Variants in CNOT4 observed in about 807,000 individuals in gnomAD.
The protein encoded by CNOT4 is CCR4-NOT transcription complex subunit 4.
A neutral mutation model predicts 73.8 loss-of-function variants in CNOT4; 8 were observed. The ratio of observed to expected loss-of-function variants is 0.11; its 90% CI spans 0.06 to 0.20. The LOEUF is 0.20. Ranked by LOEUF, CNOT4 falls within the 10% of genes least tolerant of loss-of-function variation. The pLI is 1.00. For missense variants in CNOT4, 564 were observed against 883.4 expected (o/e 0.64, Z 4.58); for synonymous variants, 293 against 321.1 (o/e 0.91, Z 0.94).
chr7:135,407,166 C>T (rs539912121), intron 7 of CNOT4, among the ~76,000 whole-genome samples: 3 of 152,168 alleles, frequency 2.0e-5, no homozygotes, highest in African/African-American at 4.8e-5. Flanking sequence ...GCCTGCCTCC[C>T]GCTTTGCCCA....
At chr7:135,458,105 T>C (rs1351727893) in intron 1 of CNOT4, among the ~76,000 whole-genome samples, 1 of 152,102 alleles carries the variant, frequency 6.6e-6, no homozygotes, top group Non-Finnish European at 1.5e-5. Context: ...TTATTTCACC[T>C]ACACAGGCAT....
chr7:135,476,082 A>T (rs1801975089), intron 1 of CNOT4, among the ~76,000 whole-genome samples: 3 of 152,234 alleles, frequency 2.0e-5, no homozygotes, highest in African/African-American at 4.8e-5. Context: ...TCCTTGGAGG[A>T]TCAGTCTACT....
intron 1 of CNOT4, among the ~76,000 whole-genome samples, chr7:135,449,931 G>C (rs562277077): frequency 1.3e-4 from 20 of 151,932 alleles, no homozygotes; most frequent in African/African-American, 4.8e-4. Context: ...GAGGTAAAGA[G>C]ACCCCTCTTT....
At chr7:135,413,288 T>C (rs758107747) in intron 6 of CNOT4, among the ~76,000 whole-genome samples, 200 bp downstream of exon 6, 10 of 152,034 alleles carry the variant, frequency 6.6e-5, no homozygotes, top group African/African-American at 1.4e-4. Context: ...TCAAACTTAG[T>C]TGACCACAGA....
At chr7:135,459,986 T>C (rs1374683360) in intron 1 of CNOT4, among the ~76,000 whole-genome samples, 2 of 152,234 alleles carry the variant, frequency 1.3e-5, no homozygotes, top group East Asian at 3.8e-4. Context: ...GGAAATGGCT[T>C]CCTTCCTTAA....
intron 10 of CNOT4, among the ~76,000 whole-genome samples, chr7:135,367,238 T>C (rs868077908): frequency 6.6e-6 from 1 of 152,158 alleles, no homozygotes; most frequent in South Asian, 2.1e-4. Context: ...AGGGCTCTTA[T>C]ATGATCTCGC....
chr7:135,491,558 A>G (rs536200396), intron 1 of CNOT4, among the ~76,000 whole-genome samples: 1 of 152,346 alleles, frequency 6.6e-6, no homozygotes, highest in African/African-American at 2.4e-5. Context: ...TTGTTGGAAG[A>G]CATTAACAAA....
chr7:135,464,130 C>A (rs1801076360), intron 1 of CNOT4, among the ~76,000 whole-genome samples: 1 of 151,786 alleles, frequency 6.6e-6, no homozygotes, highest in African/African-American at 2.4e-5. Context: ...AGCAGTATGG[C>A]AATTCCTCAG....
chr7:135,391,338 C>G lies in CNOT4; in HGVS notation c.1627+2580G>C, dbSNP rs995625480. Reference sequence around the variant, plus strand: ...TGATAAAAATTTTTAAATTTTGGTACATTAAAACTAAAATTTCTCTAGTCA... The same window carrying G: ...TGATAAAAATTTTTAAATTTTGGTAGATTAAAACTAAAATTTCTCTAGTCA... On this transcript the variant is annotated intron_variant, in intron 10 of 11. Transcript: ENST00000541284. Among the ~76,000 whole-genome samples, 92 of 151,920 alleles carry G rather than the reference C, an allele frequency of 6.1e-4. 4 individuals carry two copies. The highest frequency in any genetic ancestry group is 1.3e-4 in the Non-Finnish European group (9 of 67,920).
At chr7:135,375,814 A>C (rs1208933552) in intron 10 of CNOT4, among the ~76,000 whole-genome samples, 1 of 152,158 alleles carries the variant, frequency 6.6e-6, no homozygotes, top group African/African-American at 2.4e-5. Context: ...AATTCCAGCT[A>C]GTCAGGAGGC....
chr7:135,411,654 A>G (rs1168595236), intron 6 of CNOT4, among the ~76,000 whole-genome samples: 1 of 152,038 alleles, frequency 6.6e-6, no homozygotes, highest in African/African-American at 2.4e-5. Context: ...ATGTATATCT[A>G]GACTGGAAGA....
chr7:135,396,196 C>T (rs1295134627), intron 8 of CNOT4, among the ~76,000 whole-genome samples: 1 of 144,358 alleles, frequency 6.9e-6, no homozygotes, highest in African/African-American at 2.6e-5. Flanking sequence ...CGGCTCACTG[C>T]AACCTCGGCC....
At chr7:135,420,704 C>A (rs1163098313) in intron 3 of CNOT4, among the ~76,000 whole-genome samples, 1 of 151,296 alleles carries the variant, frequency 6.6e-6, no homozygotes, top group Admixed American at 6.6e-5. Context: ...AGGTAGCTCA[C>A]ACCTTTTTAA....
chr7:135,431,246 G>A (rs1022816367), intron 2 of CNOT4, among the ~76,000 whole-genome samples: 6 of 152,234 alleles, frequency 3.9e-5, no homozygotes, highest in Non-Finnish European at 8.8e-5. Flanking sequence ...TAGCCTGGGC[G>A]AAAGAGCAAG....
chr7:135,483,827 A>C (rs1036911672), intron 1 of CNOT4, among the ~76,000 whole-genome samples: 1 of 152,190 alleles, frequency 6.6e-6, no homozygotes, highest in East Asian at 1.9e-4. Flanking sequence ...AAAACAAAAC[A>C]AAACCAAACT....
At chr7:135,452,625 A>C (rs1321975303) in intron 1 of CNOT4, among the ~76,000 whole-genome samples, 1 of 152,164 alleles carries the variant, frequency 6.6e-6, no homozygotes, top group Non-Finnish European at 1.5e-5. Flanking sequence ...AGAGGGCTAG[A>C]GGTAGTTCGT....
chr7:135,492,222 G>A (rs1803157223), intron 1 of CNOT4, among the ~76,000 whole-genome samples: 2 of 151,954 alleles, frequency 1.3e-5, no homozygotes, highest in Non-Finnish European at 1.5e-5. Flanking sequence ...CAATATTCAG[G>A]GCAAGAAACC....
intron 1 of CNOT4, among the ~76,000 whole-genome samples, chr7:135,465,562 C>T (rs1007722843): frequency 2.6e-5 from 4 of 151,928 alleles, no homozygotes; most frequent in African/African-American, 9.7e-5. Context: ...AAAAGTTAAC[C>T]GGAAAAGCAG....
intron 10 of CNOT4, among the ~76,000 whole-genome samples, chr7:135,380,887 T>C (rs1009799428): frequency 6.6e-6 from 1 of 152,212 alleles, no homozygotes; most frequent in African/African-American, 2.4e-5. Flanking sequence ...AGCTCTGAAG[T>C]GTCATGATTC....
Sources: allele counts gnomAD v4.1 joint callset (sites outside exome capture counted in the v4.1 genomes callset), GRCh38; gene constraint gnomAD v4.1.1; transcripts MANE v1.5; gene names NCBI Gene and HGNC (gene_info 2026-07-23, HGNC 2026-07-21).